Variants in BMPR1B observed in about 807,000 individuals in gnomAD.
BMPR1B encodes bone morphogenetic protein receptor type-1B.
Under a neutral mutation model 59.1 loss-of-function variants are expected in BMPR1B, and 12 were observed. That is an observed-to-expected ratio of 0.20 (90% CI 0.13 to 0.33). BMPR1B has a LOEUF of 0.33. Among genes scored for constraint, BMPR1B ranks in the 10% least tolerant of loss-of-function variants. The pLI, the probability that BMPR1B is intolerant of heterozygous loss-of-function variation, is 1.00. For missense variants in BMPR1B, 550 were observed against 610.9 expected (o/e 0.90, Z 1.05); for synonymous variants, 237 against 207.3 (o/e 1.14, Z -1.23).
chr4:94,884,793 G>A (rs62316210), intron 2 of BMPR1B, among the ~76,000 whole-genome samples: 15,411 of 152,174 alleles, frequency 0.1, 1,054 homozygotes, highest in Non-Finnish European at 0.15. Context: ...GTAAGACTTC[G>A]TAGTTGTTCC....
intron 6 of BMPR1B, among the ~76,000 whole-genome samples, chr4:95,118,317 CTTT>C (rs533800761): frequency 6.9e-6 from 1 of 145,194 alleles, no homozygotes. Context: ...AGAGCTGCTG[CTTT>C]TTTTTTTTGA....
At chr4:95,018,668 G>C (rs1036457882) in intron 3 of BMPR1B, among the ~76,000 whole-genome samples, 7 of 152,148 alleles carry the variant, frequency 4.6e-5, no homozygotes, top group African/African-American at 1.7e-4. Context: ...GTTATTTTTG[G>C]AATTATTATT....
intron 3 of BMPR1B, among the ~76,000 whole-genome samples, chr4:95,029,958 G>T (rs1724705574): frequency 6.6e-6 from 1 of 151,740 alleles, no homozygotes. Flanking sequence ...CTTTTTGATG[G>T]GGTTGTTTGT....
At position 95,116,414 on chromosome 4, in the gene BMPR1B, A is replaced by AGC. The variant is rs746066664; in HGVS notation, c.349+634_349+635dup. ...TCCCTTTCTCCTCCTCCATGCTTTC[A>AGC]GCGCGCGCACACACACACACACACA... On this transcript the variant is annotated intron_variant, in intron 6 of 12. Transcript: ENST00000515059. Among the ~76,000 whole-genome samples, 384 of 74,230 alleles carry AGC rather than the reference A, an allele frequency of 5.2e-3. 3 individuals are homozygous for AGC. The highest frequency in any genetic ancestry group is 0.015 in the East Asian group (34 of 2,312). 48.7% of individuals were successfully genotyped at this position (74,230 alleles called of 152,430 possible). A position where few individuals can be genotyped will look rare whatever the true frequency, so the allele number is the denominator to read the frequency against.
intron 3 of BMPR1B, chr4:95,103,391 G>T: frequency 2.1e-6 from 2 of 942,516 alleles, no homozygotes; most frequent in Non-Finnish European, 2.5e-6. Context: ...GTTGATCTTA[G>T]ATTTCACTAT....
intron 3 of BMPR1B, among the ~76,000 whole-genome samples, chr4:95,077,572 A>G (rs1025744552): frequency 3.9e-5 from 6 of 152,132 alleles, no homozygotes; most frequent in African/African-American, 1.4e-4. Context: ...TTCTACGTAG[A>G]ATTTTTAGAT....
chr4:94,978,442 G>C (rs1179765051), intron 2 of BMPR1B, among the ~76,000 whole-genome samples: 2 of 152,154 alleles, frequency 1.3e-5, no homozygotes, highest in South Asian at 2.1e-4. Context: ...GGTCTCTCTA[G>C]TTTTTCCACA....
chr4:94,800,670 A>G (rs1209075783), intron 1 of BMPR1B, among the ~76,000 whole-genome samples: 1 of 152,038 alleles, frequency 6.6e-6, no homozygotes, highest in Non-Finnish European at 1.5e-5. Context: ...TCAGCAGTAA[A>G]ATGGAATCCA....
chr4:95,114,015 T>C (rs1423784744), intron 4 of BMPR1B, among the ~76,000 whole-genome samples: 1 of 152,122 alleles, frequency 6.6e-6, no homozygotes, highest in East Asian at 1.9e-4. Context: ...AACCCTTCTT[T>C]CTGTTGCCCA....
chr4:94,986,506 C>T (rs575432647), intron 2 of BMPR1B, among the ~76,000 whole-genome samples: 100 of 152,222 alleles, frequency 6.6e-4, no homozygotes, highest in Non-Finnish European at 1.2e-3. Context: ...ATGTTCAGAT[C>T]TACCAAAGTA....
intron 2 of BMPR1B, among the ~76,000 whole-genome samples, chr4:94,918,752 A>G (rs1316776076): frequency 1.3e-5 from 2 of 151,370 alleles, no homozygotes; most frequent in Non-Finnish European, 2.9e-5. Context: ...TGAGTAAGCT[A>G]TTTTTGGTTA....
At chr4:94,939,097 A>G (rs1363375447) in intron 2 of BMPR1B, among the ~76,000 whole-genome samples, 1 of 152,184 alleles carries the variant, frequency 6.6e-6, no homozygotes, top group Non-Finnish European at 1.5e-5. Flanking sequence ...CCCTTCTGCC[A>G]TTTGACAAAT....
intron 1 of BMPR1B, among the ~76,000 whole-genome samples, chr4:94,807,777 C>A (rs111747723): frequency 6.6e-6 from 1 of 152,146 alleles, no homozygotes; most frequent in Non-Finnish European, 1.5e-5. Context: ...CTCTTCCTCC[C>A]GGGTTCAAGA....
At chr4:95,056,429 G>A (rs571529864) in intron 3 of BMPR1B, among the ~76,000 whole-genome samples, 2 of 152,144 alleles carry the variant, frequency 1.3e-5, no homozygotes, top group South Asian at 4.2e-4. Context: ...TAAAATCATA[G>A]TATTGATATT....
chr4:94,940,262 G>A (rs1486777851), intron 2 of BMPR1B, among the ~76,000 whole-genome samples: 4 of 152,068 alleles, frequency 2.6e-5, no homozygotes, highest in African/African-American at 9.7e-5. Flanking sequence ...CTTTGAATGC[G>A]GCCCAACACA....
At chr4:95,139,268 A>C (rs7673298) in intron 10 of BMPR1B, among the ~76,000 whole-genome samples, 3,899 of 152,224 alleles carry the variant, frequency 0.026, 148 homozygotes, top group African/African-American at 0.087. Context: ...CTGATCCTTC[A>C]TCTGGAAGCT....
At chr4:94,814,934 G>A (rs533210846) in intron 1 of BMPR1B, among the ~76,000 whole-genome samples, 6 of 151,090 alleles carry the variant, frequency 4.0e-5, no homozygotes, top group South Asian at 4.2e-4. Context: ...AAGGAATTTC[G>A]CTCTTGTTGC....
chr4:95,114,635 T>C, intron 4 of BMPR1B, 85 bp from the exon 5 acceptor site: 2 of 1,131,558 alleles, frequency 1.8e-6, no homozygotes, highest in East Asian at 2.4e-5. Flanking sequence ...ACTTATTTCC[T>C]TTTCCCCTAG....
intron 2 of BMPR1B, among the ~76,000 whole-genome samples, chr4:94,955,670 C>G (rs1435406121): frequency 6.8e-6 from 1 of 146,118 alleles, no homozygotes; most frequent in Non-Finnish European, 1.5e-5. Context: ...CGCTCTGTCA[C>G]CCAGGCTGGA....
Sources: allele counts gnomAD v4.1 joint callset (sites outside exome capture counted in the v4.1 genomes callset), GRCh38; gene constraint gnomAD v4.1.1; transcripts MANE v1.5; gene names NCBI Gene and HGNC (gene_info 2026-07-23, HGNC 2026-07-21).